TMEM178B: variants seen among roughly 807,000 people sequenced by gnomAD.
TMEM178B encodes transmembrane protein 178B.
A neutral mutation model predicts 31.0 loss-of-function variants in TMEM178B; 5 were observed. That is an observed-to-expected ratio of 0.16 (90% CI 0.08 to 0.34). The LOEUF (loss-of-function observed/expected upper bound fraction) is 0.34. Ranked by LOEUF, TMEM178B falls within the 10% of genes least tolerant of loss-of-function variation. TMEM178B has a pLI of 1.00. For synonymous variants in TMEM178B, 164 were observed against 164.0 expected, an observed-to-expected ratio of 1.00 and a Z score of 0.00; for missense variants, 275 against 400.3, an observed-to-expected ratio of 0.69 and a Z score of 2.67.
Position 141,336,933 on chromosome 7 carries a change from T to TCACCACCACCACCAC in TMEM178B, c.497-100664_497-100663insCCACCACCACCACCA, listed in dbSNP as rs1563155185. ...ATCACCACCACCACCACCACCACCA[T>TCACCACCACCACCAC]CACCACCACCATCACCACCACCACC... On this transcript the variant is annotated intron_variant, in intron 2 of 3. Coordinates refer to ENST00000565468, the MANE Select transcript of TMEM178B (RefSeq NM_001195278.2). Among the ~76,000 whole-genome samples the TCACCACCACCACCAC allele has an allele frequency of 2.4e-3, 83 of 35,300 alleles. 2 individuals are homozygous for TCACCACCACCACCAC. Among genetic ancestry groups the TCACCACCACCACCAC allele is most frequent in the South Asian group, 5.5e-3 (4 of 728 alleles). 23.2% of individuals were successfully genotyped at this position (35,300 alleles called of 152,430 possible). A position where few individuals can be genotyped will look rare whatever the true frequency, so the allele number is the denominator to read the frequency against.
intron 2 of TMEM178B, among the ~76,000 whole-genome samples, chr7:141,288,137 A>G (rs530309331): frequency 6.6e-6 from 1 of 151,520 alleles, no homozygotes; most frequent in African/African-American, 2.4e-5. Flanking sequence ...TGTCACTTCA[A>G]TGCTCCAACT....
chr7:141,227,802 G>T (rs566299011), intron 2 of TMEM178B, among the ~76,000 whole-genome samples: 1 of 152,182 alleles, frequency 6.6e-6, no homozygotes, highest in Non-Finnish European at 1.5e-5. Flanking sequence ...GGACAGCAGG[G>T]ATTCTGAGGA....
chr7:141,474,940 G>A lies in TMEM178B; in HGVS notation c.*4154G>A, dbSNP rs913417152. 3 of 152,346 alleles carry A rather than the reference G, an allele frequency of 2.0e-5. No individual in the cohort carries two copies. Among genetic ancestry groups the A allele is most frequent in the African/African-American group, 7.2e-5 (3 of 41,548 alleles). 9.4% of individuals were successfully genotyped at this position (152,346 alleles called of 1,614,324 possible). A position where few individuals can be genotyped will look rare whatever the true frequency, so the allele number is the denominator to read the frequency against. On this transcript the variant is annotated 3_prime_UTR_variant, in exon 4 of 4. Coordinates refer to ENST00000565468, the MANE Select transcript of TMEM178B (RefSeq NM_001195278.2). ...GTGATTTTTCAAATATCTGGGGGAA[G>A]GAGTGGGAAGAGATACACTCTGGTC...
chr7:141,278,377 T>C (rs35382529), intron 2 of TMEM178B, among the ~76,000 whole-genome samples: 7,902 of 152,028 alleles, frequency 0.052, 271 homozygotes, highest in East Asian at 0.14. Flanking sequence ...AGGTTAGGAG[T>C]TCGAGACCAG....
rs147637392 is a variant in TMEM178B, at chr7:141,394,079, C to A, written c.497-43529C>A. Among the ~76,000 whole-genome samples the A allele has an allele frequency of 2.0e-5, 3 of 151,742 alleles. No homozygotes were observed. The East Asian group carries it at 5.8e-4, about 29-fold the overall frequency. ...GCTCTGTCACTTGAGGTCCTGATGA[C>A]GTGCAGTTGGGTTTCTTGAGGATTT... On this transcript the variant is annotated intron_variant, in intron 2 of 3. Transcript: ENST00000565468.
intron 2 of TMEM178B, among the ~76,000 whole-genome samples, chr7:141,331,188 A>G (rs924778246): frequency 3.9e-5 from 6 of 152,210 alleles, no homozygotes; most frequent in Admixed American, 2.0e-4. Flanking sequence ...GGGACTGGAG[A>G]CATAAATTTG....
At chr7:141,281,162 T>G (rs1436889010) in intron 2 of TMEM178B, among the ~76,000 whole-genome samples, 3 of 152,172 alleles carry the variant, frequency 2.0e-5, no homozygotes, top group African/African-American at 7.2e-5. Flanking sequence ...GCTATTAGTA[T>G]TAGTTTATTT....
At chr7:141,217,023 T>C (rs988367484) in intron 2 of TMEM178B, among the ~76,000 whole-genome samples, 1 of 152,126 alleles carries the variant, frequency 6.6e-6, no homozygotes, top group Admixed American at 6.5e-5. Flanking sequence ...GTGCTGCTCC[T>C]GGGTGGGCTG....
At chr7:141,263,073 A>G (rs552501140) in intron 2 of TMEM178B, among the ~76,000 whole-genome samples, 1 of 152,056 alleles carries the variant, frequency 6.6e-6, no homozygotes, top group Admixed American at 6.5e-5. Flanking sequence ...CTTGCTTCCC[A>G]GTTATCTGGA....
intron 2 of TMEM178B, among the ~76,000 whole-genome samples, chr7:141,377,708 C>G (rs577025770): frequency 2.6e-4 from 40 of 152,144 alleles, no homozygotes; most frequent in Admixed American, 1.3e-3. Context: ...AAAGAAATCA[C>G]TATAAATAAA....
intron 1 of TMEM178B, among the ~76,000 whole-genome samples, chr7:141,078,686 G>T (rs952245627): frequency 1.7e-4 from 26 of 152,206 alleles, no homozygotes; most frequent in African/African-American, 6.0e-4. Flanking sequence ...AGGTAGGCAG[G>T]AGGAGGTTAG....
chr7:141,377,159 G>GTATGTATT (rs373871106), intron 2 of TMEM178B, among the ~76,000 whole-genome samples: 7 of 145,172 alleles, frequency 4.8e-5, no homozygotes, highest in Non-Finnish European at 9.1e-5. Context: ...GGCTACTTCT[G>GTATGTATT]TATTTATTTA....
chr7:141,081,643 A>G (rs1469342320), intron 1 of TMEM178B, among the ~76,000 whole-genome samples: 2 of 152,106 alleles, frequency 1.3e-5, no homozygotes, highest in Non-Finnish European at 2.9e-5. Flanking sequence ...TCTCAAAAAA[A>G]AGAAAAAAAA....
chr7:141,218,451 C>CA (rs149787715), intron 2 of TMEM178B, among the ~76,000 whole-genome samples: 1 of 152,294 alleles, frequency 6.6e-6, no homozygotes, highest in East Asian at 1.9e-4. Context: ...TCACTTACTG[C>CA]AGACATGTGG....
intron 2 of TMEM178B, among the ~76,000 whole-genome samples, chr7:141,327,839 A>G (rs971956029): frequency 1.3e-5 from 2 of 152,192 alleles, no homozygotes; most frequent in Non-Finnish European, 2.9e-5. Flanking sequence ...TATAGTTGAA[A>G]ACAACTTCTA....
At chr7:141,353,451 C>T (rs1799768533) in intron 2 of TMEM178B, among the ~76,000 whole-genome samples, 3 of 152,206 alleles carry the variant, frequency 2.0e-5, no homozygotes, top group African/African-American at 7.2e-5. Flanking sequence ...ACATGCCAAT[C>T]TTTCTCAAAT....
At chr7:141,335,998 A>G (rs767895628) in intron 2 of TMEM178B, among the ~76,000 whole-genome samples, 15 of 152,230 alleles carry the variant, frequency 9.9e-5, no homozygotes, top group Admixed American at 3.3e-4. Context: ...ATCATTTCAC[A>G]TGATGAAACA....
intron 1 of TMEM178B, among the ~76,000 whole-genome samples, chr7:141,096,002 A>G (rs1586765198): frequency 6.6e-6 from 1 of 152,194 alleles, no homozygotes; most frequent in Non-Finnish European, 1.5e-5. Flanking sequence ...AACGTAGGCA[A>G]CCAACCATAT....
chr7:141,427,276 G>A (rs1428872853), intron 2 of TMEM178B, among the ~76,000 whole-genome samples: 1 of 152,084 alleles, frequency 6.6e-6, no homozygotes, highest in Non-Finnish European at 1.5e-5. Context: ...GCAAATAGAA[G>A]CAAGCTGGAG....
Sources: allele counts gnomAD v4.1 joint callset (sites outside exome capture counted in the v4.1 genomes callset), GRCh38; gene constraint gnomAD v4.1.1; transcripts MANE v1.5; gene names NCBI Gene and HGNC (gene_info 2026-07-23, HGNC 2026-07-21).